Variants in CADPS observed in about 807,000 individuals in gnomAD.
CADPS encodes the protein calcium-dependent secretion activator 1.
In CADPS, 57 loss-of-function variants were observed where a neutral mutation model predicts 167.3. The observed-to-expected ratio is 0.34, with a 90% CI of 0.28 to 0.42. CADPS has a LOEUF of 0.42. Ranked by LOEUF, CADPS falls within the 20% of genes least tolerant of loss-of-function variation. The probability of loss-of-function intolerance (pLI) is 1.00; values close to 1 mark genes in which losing one functional copy is unlikely to be tolerated. For missense variants in CADPS, 1,414 were observed against 1,738.1 expected, an observed-to-expected ratio of 0.81 and a Z score of 3.32; for synonymous variants, 676 against 635.3, an observed-to-expected ratio of 1.06 and a Z score of -0.96.
At chr3:62,844,133 A>T (rs1420189587) in intron 1 of CADPS, among the ~76,000 whole-genome samples, 8 of 152,180 alleles carry the variant, frequency 5.3e-5, no homozygotes, top group Non-Finnish European at 1.0e-4. Flanking sequence ...AATGTCTAGG[A>T]AAGGATGGGG....
At chr3:62,471,572 G>A (rs1290039422) in intron 24 of CADPS, among the ~76,000 whole-genome samples, 2 of 152,088 alleles carry the variant, frequency 1.3e-5, no homozygotes, top group Non-Finnish European at 2.9e-5. Flanking sequence ...TGGAAGAATT[G>A]TTTAACCATC....
chr3:62,852,809 C>T (rs1045564667), intron 1 of CADPS, among the ~76,000 whole-genome samples: 4 of 152,184 alleles, frequency 2.6e-5, no homozygotes, highest in Admixed American at 1.3e-4. Flanking sequence ...TTTCTTCTGA[C>T]ATTTTTCCCT....
At chr3:62,658,239 C>T (rs974937922) in intron 4 of CADPS, among the ~76,000 whole-genome samples, 9 of 152,196 alleles carry the variant, frequency 5.9e-5, no homozygotes, top group East Asian at 1.9e-4. Context: ...ATTAATGTAA[C>T]GCCAAAGATT....
chr3:62,571,301 G>C (rs1036431704), intron 8 of CADPS, among the ~76,000 whole-genome samples: 1 of 152,110 alleles, frequency 6.6e-6, no homozygotes, highest in African/African-American at 2.4e-5. Context: ...CAACTCTTTT[G>C]CATCTTGTCA....
intron 6 of CADPS, among the ~76,000 whole-genome samples, chr3:62,614,901 C>G (rs560957799): frequency 6.6e-6 from 1 of 152,204 alleles, no homozygotes; most frequent in Non-Finnish European, 1.5e-5. Flanking sequence ...TAAATGGGAA[C>G]ATAACATATG....
At chr3:62,622,893 A>G (rs529111873) in intron 6 of CADPS, among the ~76,000 whole-genome samples, 1 of 152,340 alleles carries the variant, frequency 6.6e-6, no homozygotes, top group East Asian at 1.9e-4. Context: ...CATTTGTTGC[A>G]GAAATATTTC....
intron 26 of CADPS, among the ~76,000 whole-genome samples, chr3:62,459,015 A>G (rs2059022623): frequency 6.6e-6 from 1 of 152,212 alleles, no homozygotes; most frequent in African/African-American, 2.4e-5. Flanking sequence ...ATCAACTGGA[A>G]ATAAGGATGT....
intron 3 of CADPS, among the ~76,000 whole-genome samples, chr3:62,692,124 GTCC>G (rs1344196265): frequency 3.3e-5 from 5 of 151,954 alleles, no homozygotes; most frequent in African/African-American, 1.2e-4. Flanking sequence ...TTTTAGATCA[GTCC>G]TCAAACTGGT....
chr3:62,646,331 ATTT>A (rs966175782), intron 5 of CADPS, among the ~76,000 whole-genome samples: 4 of 144,472 alleles, frequency 2.8e-5, no homozygotes, highest in Non-Finnish European at 6.1e-5. Context: ...TGCCCAGCTA[ATTT>A]TTTTTTTTTG....
intron 3 of CADPS, among the ~76,000 whole-genome samples, chr3:62,721,943 C>T (rs2075917508): frequency 1.3e-5 from 2 of 152,116 alleles, no homozygotes; most frequent in Non-Finnish European, 1.5e-5. Flanking sequence ...TAATGACAAC[C>T]ACATAAGAAC....
At chr3:62,522,898 C>A (rs1449459755) in intron 13 of CADPS, among the ~76,000 whole-genome samples, 1 of 152,214 alleles carries the variant, frequency 6.6e-6, no homozygotes. Flanking sequence ...AGCTCTCCCA[C>A]CTGCGGGCCA....
chr3:62,466,552 A>G (rs1278230509), intron 24 of CADPS, 139 bp from the exon 25 acceptor site: 2 of 695,638 alleles, frequency 2.9e-6, no homozygotes, highest in East Asian at 2.7e-5. Context: ...AGAAATATTT[A>G]TAAGATCCTG....
chr3:62,654,131 G>A (rs2070927316), intron 4 of CADPS, among the ~76,000 whole-genome samples: 1 of 152,106 alleles, frequency 6.6e-6, no homozygotes, highest in Admixed American at 6.6e-5. Context: ...CTCAGAACTT[G>A]GATTTCTTTT....
rs549399721 is a variant in CADPS, at chr3:62,663,850, C to T, written c.889-1456G>A. On this transcript the variant is annotated intron_variant, in intron 3 of 29. Coordinates refer to ENST00000383710, the MANE Select transcript of CADPS (RefSeq NM_003716.4). ...CCAGCATCACTTTATCTTCCCCTTT[C>T]CACAGTTTGGGAGAAGGACTTTTCC... 1.8e-4 allele frequency among the ~76,000 whole-genome samples: 28 copies of T among 152,152 alleles called. 1 individual carries two copies. Among genetic ancestry groups the T allele is most frequent in the Non-Finnish European group, 3.7e-4 (25 of 68,020 alleles).
chr3:62,528,504 C>G (rs368763515), intron 13 of CADPS, among the ~76,000 whole-genome samples: 1 of 152,082 alleles, frequency 6.6e-6, no homozygotes, highest in African/African-American at 2.4e-5. Context: ...TAAATTGCAC[C>G]TTCGAAAACA....
intron 1 of CADPS, among the ~76,000 whole-genome samples, chr3:62,832,435 T>C (rs1193940280): frequency 2.0e-5 from 3 of 152,212 alleles, no homozygotes; most frequent in Non-Finnish European, 4.4e-5. Context: ...AGAAATCTTA[T>C]GCCTAGATCT....
intron 1 of CADPS, among the ~76,000 whole-genome samples, chr3:62,864,231 A>C (rs2081300166): frequency 6.6e-6 from 1 of 152,198 alleles, no homozygotes; most frequent in African/African-American, 2.4e-5. Flanking sequence ...ACTGATGCAA[A>C]TGGCTAAATG....
rs758787710 is a variant in CADPS, at chr3:62,492,201, C to G, written c.2884+89G>C. The G allele has an allele frequency of 1.2e-4, 130 of 1,108,218 alleles. 1 individual carries two copies. The Middle Eastern group carries it at 6.9e-3, about 59-fold the overall frequency. 68.6% of individuals were successfully genotyped at this position (1,108,218 alleles called of 1,614,324 possible). A position where few individuals can be genotyped will look rare whatever the true frequency, so the allele number is the denominator to read the frequency against. On this transcript the variant is annotated intron_variant, in intron 20 of 29. Coordinates refer to ENST00000383710, the MANE Select transcript of CADPS (RefSeq NM_003716.4). The stretch of plus-strand genomic sequence containing the variant: ...TAAAACCATGAAGAGCTATGTCAAG[C>G]CTGTAGTCTGCTTGGGATAAAGACA...
chr3:62,599,492 T>G (rs1469107677), intron 6 of CADPS, among the ~76,000 whole-genome samples: 1 of 108,662 alleles, frequency 9.2e-6, no homozygotes, highest in African/African-American at 3.8e-5. Flanking sequence ...TTTTATTATA[T>G]ATATATTTTA....
Sources: allele counts gnomAD v4.1 joint callset (sites outside exome capture counted in the v4.1 genomes callset), GRCh38; gene constraint gnomAD v4.1.1; transcripts MANE v1.5; gene names NCBI Gene and HGNC (gene_info 2026-07-23, HGNC 2026-07-21).